Variants in USP6 observed in about 807,000 individuals in gnomAD.
USP6 encodes the protein ubiquitin specific peptidase 6, also known as ubiquitin carboxyl-terminal hydrolase 6.
In USP6, 128 loss-of-function variants were observed where a neutral mutation model predicts 175.7. The ratio of observed to expected loss-of-function variants is 0.73; its 90% CI spans 0.63 to 0.84. The LOEUF (loss-of-function observed/expected upper bound fraction) is 0.84. Ranked by LOEUF, USP6 falls within the 40% of genes least tolerant of loss-of-function variation. The pLI, the probability that USP6 is intolerant of heterozygous loss-of-function variation, is 0.00. For synonymous variants in USP6, 562 were observed against 630.6 expected (o/e 0.89, Z 1.63); for missense variants, 1,498 against 1,760.3 (o/e 0.85, Z 2.67).
intron 22 of USP6, 81 bp from the exon 23 acceptor site, chr17:5,141,344 T>TAA: frequency 7.0e-6 from 9 of 1,285,768 alleles, no homozygotes; most frequent in Admixed American, 2.4e-5. Flanking sequence ...TAAGATGTCT[T>TAA]TAAAAAAAAA....
Position 5,173,695 on chromosome 17 carries a change from C to A in USP6, c.*717C>A, listed in dbSNP as rs1439681371. Reference sequence around the variant, plus strand: ...AAGAAAAACATCCTGGGAAATCCAGCTACCAGGGCCCTCCCAGTGGAGGCA... The same window carrying A: ...AAGAAAAACATCCTGGGAAATCCAGATACCAGGGCCCTCCCAGTGGAGGCA... On this transcript the variant is annotated 3_prime_UTR_variant, in exon 38 of 38. Transcript: ENST00000574788. 1 of 218,118 alleles carries A rather than the reference C, an allele frequency of 4.6e-6. No individual in the cohort carries two copies. The highest frequency in any genetic ancestry group is 6.7e-5 in the East Asian group (1 of 14,886). The allele number at this position is 218,118 out of a possible 1,614,324, so 13.5% of individuals were successfully genotyped here. A position where few individuals can be genotyped will look rare whatever the true frequency, so the allele number is the denominator to read the frequency against.
At chr17:5,130,948 G>A (rs893037408) in intron 11 of USP6, among the ~76,000 whole-genome samples, 2 of 152,324 alleles carry the variant, frequency 1.3e-5, no homozygotes, top group East Asian at 1.9e-4. Context: ...CAGTTCTGTC[G>A]GCAAGTGAGC....
rs753928809 is a variant in USP6, at chr17:5,168,866, T to C, written c.3328T>C (p.Leu1110=). 2 of 1,613,502 alleles carry C rather than the reference T, an allele frequency of 1.2e-6. No individual in the cohort carries two copies. Among genetic ancestry groups the C allele is most frequent in the Non-Finnish European group, 1.7e-6 (2 of 1,179,750 alleles). The part of the protein sequence containing the change: ...LRESFDPSAF[L]VPRDPALCQH... ...GGAAAGTTTTGATCCGAGTGCTTTT[T>C]TGGTACCACGAGACCCGGCCCTCTG... Residue 1110 remains leucine (L), a synonymous_variant, in exon 35 of 38, where the codon TTG becomes CTG. Coordinates refer to ENST00000574788, the MANE Select transcript of USP6 (RefSeq NM_001304284.2).
chr17:5,156,217 T>C (rs1473389745), intron 31 of USP6, among the ~76,000 whole-genome samples: 4 of 152,234 alleles, frequency 2.6e-5, no homozygotes, highest in Non-Finnish European at 5.9e-5. Flanking sequence ...TCTATTTGAT[T>C]AGTAAATGCA....
intron 33 of USP6, among the ~76,000 whole-genome samples, chr17:5,167,109 G>A (rs947122699): frequency 7.2e-5 from 11 of 152,218 alleles, no homozygotes; most frequent in African/African-American, 2.7e-4. Flanking sequence ...ATGCAAATGA[G>A]TTGTACCCTG....
chr17:5,130,328 T>G, intron 9 of USP6, 39 bp from the exon 10 acceptor site: 1 of 1,609,282 alleles, frequency 6.2e-7, no homozygotes, highest in Non-Finnish European at 8.5e-7. Context: ...TCCGAAGCTG[T>G]CGGGTACAGT....
chr17:5,142,574 T>C (rs1442540979), intron 25 of USP6, 72 bp downstream of exon 25: 4 of 1,517,888 alleles, frequency 2.6e-6, no homozygotes, highest in African/African-American at 1.4e-5. Context: ...TCTACTTGTT[T>C]TTTGTGTTTA....
chr17:5,167,225 T>G (rs2074113982), intron 33 of USP6, among the ~76,000 whole-genome samples: 1 of 152,182 alleles, frequency 6.6e-6, no homozygotes, highest in South Asian at 2.1e-4. Flanking sequence ...CCTAGCCTCG[T>G]AAACTCTGCA....
intron 32 of USP6, among the ~76,000 whole-genome samples, chr17:5,162,049 T>C (rs182999527): frequency 1.8e-4 from 27 of 152,368 alleles, no homozygotes; most frequent in Admixed American, 6.5e-4. Context: ...GGTCAATAGA[T>C]AAGTTTTGCT....
At chr17:5,150,295 A>AAATAAAT (rs2073728655) in intron 30 of USP6, among the ~76,000 whole-genome samples, 8 of 138,880 alleles carry the variant, frequency 5.8e-5, no homozygotes, top group East Asian at 2.0e-4. Flanking sequence ...TCCGTCTAAA[A>AAATAAAT]AAATAAATAA....
intron 37 of USP6, 52 bp downstream of exon 37, chr17:5,171,731 A>G: frequency 6.4e-7 from 1 of 1,562,842 alleles, no homozygotes; most frequent in African/African-American, 1.4e-5. Flanking sequence ...AGAACTGGGG[A>G]ACATTTGTTG....
At chr17:5,122,347 A>G (rs1381422339) in intron 4 of USP6, among the ~76,000 whole-genome samples, 1 of 152,142 alleles carries the variant, frequency 6.6e-6, no homozygotes, top group Non-Finnish European at 1.5e-5. Context: ...CATCAGCCAC[A>G]GGGTGAAGAG....
At chr17:5,118,472 G>A (rs559898713) in intron 2 of USP6, among the ~76,000 whole-genome samples, 182 bp downstream of exon 2, 1 of 152,264 alleles carries the variant, frequency 6.6e-6, no homozygotes. Context: ...GGGGGTGCCT[G>A]TGATCCCAAA....
chr17:5,160,589 G>A (rs2073985295), intron 31 of USP6, among the ~76,000 whole-genome samples: 1 of 152,174 alleles, frequency 6.6e-6, no homozygotes, highest in Non-Finnish European at 1.5e-5. Flanking sequence ...GTTACTCCAT[G>A]GTGTATATGT....
At chr17:5,130,821 C>A in intron 11 of USP6, 137 bp downstream of exon 11, 1 of 1,228,890 alleles carries the variant, frequency 8.1e-7, no homozygotes. Context: ...GGTCAGAACT[C>A]CTCCCTGGCT....
intron 22 of USP6, among the ~76,000 whole-genome samples, chr17:5,140,143 G>A (rs2073401244): frequency 6.6e-6 from 1 of 151,950 alleles, no homozygotes. Context: ...CCACCTTCAC[G>A]TTTTGAAATA....
At chr17:5,169,131 T>TG in intron 35 of USP6, 76 bp downstream of exon 35, 1 of 1,450,144 alleles carries the variant, frequency 6.9e-7, no homozygotes. Flanking sequence ...TCTTCTGTTC[T>TG]GGAACATCAG....
intron 17 of USP6, among the ~76,000 whole-genome samples, chr17:5,136,187 G>A (rs1485166487): frequency 3.3e-5 from 5 of 152,160 alleles, no homozygotes; most frequent in African/African-American, 4.8e-5. Context: ...CACATCCTCC[G>A]GCTCTGATTC....
At chr17:5,158,449 C>T (rs2073931832) in intron 31 of USP6, among the ~76,000 whole-genome samples, 1 of 151,982 alleles carries the variant, frequency 6.6e-6, no homozygotes, top group Admixed American at 6.6e-5. Context: ...TGCCTGTAAT[C>T]CCAGATACTT....
Sources: gnomAD v4.1 joint callset for allele counts (sites outside exome capture counted in the v4.1 genomes callset) on GRCh38, gnomAD v4.1.1 for gene constraint, MANE v1.5 for transcripts, NCBI Gene and HGNC (gene_info 2026-07-23, HGNC 2026-07-21) for gene names.